The following BID variants were observed in gnomAD, a reference collection of about 807,000 sequenced individuals.
The protein encoded by BID is BH3-interacting domain death agonist.
Under a neutral mutation model 17.4 loss-of-function variants are expected in BID, and 19 were observed. The ratio of observed to expected loss-of-function variants is 1.09; its 90% confidence interval spans 0.76 to 1.60. The LOEUF is 1.60. Among genes scored for constraint, BID ranks in the 40% most tolerant of loss-of-function variants. BID has a pLI of 0.00. For synonymous variants in BID, 108 were observed against 102.8 expected (o/e 1.05, Z -0.31); for missense variants, 226 against 256.0 (o/e 0.88, Z 0.80).
intron 3 of BID, chr22:17,740,216 A>T: frequency 1.3e-6 from 2 of 1,581,238 alleles, no homozygotes; most frequent in Non-Finnish European, 8.6e-7. Flanking sequence ...TGATTTTTTT[A>T]ATCTGTTTTG....
chr22:17,758,799 T>C (rs1333850931), intron 1 of BID, among the ~76,000 whole-genome samples: 1 of 152,178 alleles, frequency 6.6e-6, no homozygotes, highest in East Asian at 1.9e-4. Context: ...GGTGAAAAAG[T>C]TCTGGAGATG....
chr22:17,772,548 C>A (rs924737759), intron 1 of BID, among the ~76,000 whole-genome samples: 1 of 152,210 alleles, frequency 6.6e-6, no homozygotes, highest in Non-Finnish European at 1.5e-5. Flanking sequence ...CGTCGAGGAC[C>A]TGCTCAGCCC....
At chr22:17,751,795 G>A (rs2061542005) in intron 1 of BID, among the ~76,000 whole-genome samples, 1 of 152,216 alleles carries the variant, frequency 6.6e-6, no homozygotes, top group Non-Finnish European at 1.5e-5. Context: ...GGGACCAAGA[G>A]CAAATGACTG....
chr22:17,758,606 A>T (rs1257731875), intron 1 of BID, among the ~76,000 whole-genome samples: 8 of 152,224 alleles, frequency 5.3e-5, no homozygotes, highest in African/African-American at 1.9e-4. Flanking sequence ...GCTACAACAC[A>T]GATGAACTTG....
chr22:17,738,282 GGAAA>G, intron 4 of BID, 53 bp from the exon 5 acceptor site: 1 of 1,526,688 alleles, frequency 6.6e-7, no homozygotes, highest in Non-Finnish European at 9.0e-7. Context: ...CCCTCTCAAA[GGAAA>G]GACAGTCCCC....
At chr22:17,761,054 A>G (rs2061634591) in intron 1 of BID, among the ~76,000 whole-genome samples, 1 of 152,226 alleles carries the variant, frequency 6.6e-6, no homozygotes, top group South Asian at 2.1e-4. Context: ...TTGTGATTTG[A>G]CAACCACTCT....
At chr22:17,757,515 T>C (rs186334298) in intron 1 of BID, among the ~76,000 whole-genome samples, 1,552 of 150,780 alleles carry the variant, frequency 0.01, 11 homozygotes, top group Admixed American at 0.016. Context: ...CAGACCATCC[T>C]GGCTAACACG....
chr22:17,739,312 A>C (rs1222882528), intron 4 of BID, 37 bp downstream of exon 4: 3 of 1,517,914 alleles, frequency 2.0e-6, no homozygotes, highest in Non-Finnish European at 2.7e-6. Flanking sequence ...CCCTTGGCTC[A>C]CTTGCCCGCC....
At chr22:17,748,505 C>CA (rs34220742) in intron 2 of BID, among the ~76,000 whole-genome samples, 152 of 142,830 alleles carry the variant, frequency 1.1e-3, no homozygotes, top group South Asian at 3.5e-3. Context: ...GACTCAATCT[C>CA]AAAAAAAAAA....
chr22:17,749,570 G>A (rs1241001757), intron 2 of BID, among the ~76,000 whole-genome samples: 4 of 152,170 alleles, frequency 2.6e-5, no homozygotes, highest in Non-Finnish European at 4.4e-5. Flanking sequence ...TGATTTATTT[G>A]CTCCTCATAG....
chr22:17,763,548 T>G (rs1470635430), intron 1 of BID, among the ~76,000 whole-genome samples: 4 of 152,138 alleles, frequency 2.6e-5, no homozygotes, highest in East Asian at 1.9e-4. Context: ...CTGGCCTTAT[T>G]ATAACTTTTA....
intron 2 of BID, among the ~76,000 whole-genome samples, chr22:17,748,707 C>T (rs902012249): frequency 1.3e-5 from 2 of 152,098 alleles, no homozygotes; most frequent in Non-Finnish European, 2.9e-5. Context: ...CGACGTCCAC[C>T]CTCCCTCACT....
At chr22:17,761,516 C>A (rs537862264) in intron 1 of BID, among the ~76,000 whole-genome samples, 20 of 148,554 alleles carry the variant, frequency 1.3e-4, no homozygotes, top group Non-Finnish European at 4.4e-5. Flanking sequence ...ACTGCAAGCT[C>A]TGCCTCCTGG....
chr22:17,765,028 C>T (rs1461645594), intron 1 of BID, among the ~76,000 whole-genome samples: 2 of 152,110 alleles, frequency 1.3e-5, no homozygotes, highest in East Asian at 3.8e-4. Flanking sequence ...ACACTGTCAA[C>T]ATCTGAACTA....
At chr22:17,765,944 T>G (rs144719883) in intron 1 of BID, among the ~76,000 whole-genome samples, 5 of 152,354 alleles carry the variant, frequency 3.3e-5, no homozygotes, top group Admixed American at 6.5e-5. Flanking sequence ...ATTATTATTA[T>G]TGGAGACAGG....
Position 17,774,452 on chromosome 22 carries a change from A to T in BID, c.-130T>A. ...TCTCCCAGGCGCGCGGACACGGTCG[A>T]CTACCCGCTTCCTCCTTATGGCGCC... is the stretch of plus-strand genomic sequence containing the variant. On this transcript the variant is annotated 5_prime_UTR_variant, in exon 1 of 6. Transcript: ENST00000622694. 3.4e-6 allele frequency: 1 copy of T among 295,198 alleles called. No individual in the cohort carries two copies. The allele number at this position is 295,198 out of a possible 1,614,324, so 18.3% of individuals were successfully genotyped here. A position where few individuals can be genotyped will look rare whatever the true frequency, so the allele number is the denominator to read the frequency against.
intron 1 of BID, among the ~76,000 whole-genome samples, chr22:17,768,598 G>A (rs73148870): frequency 0.04 from 6,112 of 152,294 alleles, 176 homozygotes; most frequent in Middle Eastern, 0.11. Flanking sequence ...AGGCTGGGCC[G>A]CAAGGTGGCT....
intron 1 of BID, among the ~76,000 whole-genome samples, chr22:17,759,129 G>A (rs1386253097): frequency 6.6e-6 from 1 of 150,936 alleles, no homozygotes; most frequent in Non-Finnish European, 1.5e-5. Flanking sequence ...TACTCAGGAG[G>A]TTGAGGCAGG....
chr22:17,747,830 C>A (rs1485556179), intron 2 of BID, among the ~76,000 whole-genome samples: 1 of 151,828 alleles, frequency 6.6e-6, no homozygotes, highest in East Asian at 2.0e-4. Flanking sequence ...GTAATCCCAG[C>A]ACTTTGGGAA....
Sources: gnomAD v4.1 joint callset for allele counts (sites outside exome capture counted in the v4.1 genomes callset) on GRCh38, gnomAD v4.1.1 for gene constraint, MANE v1.5 for transcripts, NCBI Gene and HGNC (gene_info 2026-07-23, HGNC 2026-07-21) for gene names.